AGAP1: variants seen among roughly 807,000 people sequenced by gnomAD.
AGAP1 encodes arf-GAP with GTPase, ANK repeat and PH domain-containing protein 1.
AGAP1 carries 29 observed loss-of-function variants against 105.3 expected under a neutral mutation model. That is an observed-to-expected ratio of 0.28 (90% CI 0.21 to 0.38). The LOEUF (loss-of-function observed/expected upper bound fraction) is 0.38. Among genes scored for constraint, AGAP1 ranks in the 10% least tolerant of loss-of-function variants. The pLI is 1.00. For missense variants in AGAP1, 998 were observed against 1,165.1 expected, an observed-to-expected ratio of 0.86 and a Z score of 2.09; for synonymous variants, 509 against 485.9, an observed-to-expected ratio of 1.05 and a Z score of -0.63.
intron 1 of AGAP1, among the ~76,000 whole-genome samples, chr2:235,537,968 G>T (rs982914599): frequency 6.6e-6 from 1 of 152,164 alleles, no homozygotes; most frequent in African/African-American, 2.4e-5. Context: ...TGTACCAACC[G>T]TACTAAGAGG....
chr2:236,049,220 G>T lies in AGAP1; in HGVS notation c.2053G>T (p.Ala685Ser), dbSNP rs1382921787. 6.2e-7 allele frequency: 1 copy of T among 1,614,222 alleles called. No individual in the cohort carries two copies. The highest frequency in any genetic ancestry group is 1.7e-5 in the Admixed American group (1 of 60,024). ...GATGTCATCCATCGGGAACGAGCTAGCCAACAGCGTCTGGGAAGAGAGCAG... is the reference window on the plus strand; with the variant it reads ...GATGTCATCCATCGGGAACGAGCTATCCAACAGCGTCTGGGAAGAGAGCAG... ...KVMSSIGNEL[A>S]NSVWEESSQG... The change falls in exon 16 of 18, where the codon GCC becomes TCC. Residue 685 changes from alanine to serine, a missense_variant. By Grantham distance (99) the Ala-to-Ser change is moderately conservative (BLOSUM62 1). Transcript: ENST00000304032.
chr2:235,722,635 C>G (rs923882885), intron 3 of AGAP1, among the ~76,000 whole-genome samples: 2 of 152,172 alleles, frequency 1.3e-5, no homozygotes, highest in African/African-American at 4.8e-5. Context: ...CCATCCTCCT[C>G]CAGCATGACA....
At chr2:236,122,726 G>A (rs191319791) in intron 17 of AGAP1, among the ~76,000 whole-genome samples, 1,424 of 130,628 alleles carry the variant, frequency 0.011, 12 homozygotes, top group Non-Finnish European at 0.017. Context: ...TCTGTCTCCC[G>A]GGCTGGAGTG....
Position 235,889,540 on chromosome 2 carries a change from CTT to C in AGAP1, c.1155+6093_1155+6094del, listed in dbSNP as rs983245530. Among the ~76,000 whole-genome samples the C allele has an allele frequency of 1.5e-5, 2 of 136,462 alleles. No individual in the cohort carries two copies. The highest frequency in any genetic ancestry group is 3.1e-5 in the Non-Finnish European group (2 of 64,568). 89.5% of individuals were successfully genotyped at this position (136,462 alleles called of 152,430 possible). Reference sequence around the variant, plus strand: ...CTTTCTCGTCATCCCCCAAAAGTGTCTTTGCCTTTTTTTTTTTTTTTTAGCCC... The same window carrying C: ...CTTTCTCGTCATCCCCCAAAAGTGTCTGCCTTTTTTTTTTTTTTTTAGCCC... On this transcript the variant is annotated intron_variant, in intron 10 of 17. Transcript: ENST00000304032. This position sits in a 1 kb window ranked among gnomAD's most constrained non-coding sequence, Gnocchi z 4.6.
At position 235,951,415 on chromosome 2, in the gene AGAP1, C is replaced by A. The variant is rs373506005; in HGVS notation, c.1484-17047C>A. 7.9e-5 allele frequency among the ~76,000 whole-genome samples: 12 copies of A among 152,352 alleles called. No homozygotes were observed. Among genetic ancestry groups the A allele is most frequent in the African/African-American group, 2.9e-4 (12 of 41,578 alleles). On this transcript the variant is annotated intron_variant, in intron 12 of 17. Transcript: ENST00000304032. The surrounding 1 kb of genome is among the most constrained non-coding windows in gnomAD (Gnocchi z 4.2). ...CATCGTGAGACAGAGTAGCATGGAA[C>A]TGAAAAATGTGTAGCAGGTTTTCAA... is the stretch of plus-strand genomic sequence containing the variant.
At position 236,038,979 on chromosome 2, in the gene AGAP1, A is replaced by G. The variant is rs1401709956; in HGVS notation, c.1801-1772A>G. Among the ~76,000 whole-genome samples the G allele has an allele frequency of 6.6e-6, 1 of 152,218 alleles. No individual in the cohort carries two copies. Among genetic ancestry groups the G allele is most frequent in the Non-Finnish European group, 1.5e-5 (1 of 68,030 alleles). ...ATTAGACAGTAGTGATTAATACATT[A>G]TAATTTATTATGTAGCAAGTAATAT... On this transcript the variant is annotated intron_variant, in intron 14 of 17. Coordinates refer to ENST00000304032, the MANE Select transcript of AGAP1 (RefSeq NM_001037131.3). The surrounding 1 kb of genome is among the most constrained non-coding windows in gnomAD (Gnocchi z 4.5).
rs562426149 is a variant in AGAP1 at position 235,535,088 on chromosome 2, T to A, written c.163+40239T>A. On this transcript the variant is annotated intron_variant, in intron 1 of 17. Coordinates refer to ENST00000304032, the MANE Select transcript of AGAP1 (RefSeq NM_001037131.3). This position sits in a 1 kb window ranked among gnomAD's most constrained non-coding sequence, Gnocchi z 5.1. ...TGTCTGCAGATGTAAAACGACCTGC[T>A]CCCCCAGGTGAATGGATTCTCGCCA... Among the ~76,000 whole-genome samples, 3 of 152,054 alleles carry A rather than the reference T, an allele frequency of 2.0e-5. No homozygotes were observed. In the East Asian group the frequency reaches 5.8e-4, roughly 29 times the overall value.
intron 1 of AGAP1, among the ~76,000 whole-genome samples, chr2:235,581,017 T>C (rs1944912622): frequency 6.6e-6 from 1 of 150,664 alleles, no homozygotes; most frequent in African/African-American, 2.4e-5. Flanking sequence ...TCCCGTGAGG[T>C]GTGGAGTGGA....
At chr2:235,525,105 T>C (rs1942778106) in intron 1 of AGAP1, among the ~76,000 whole-genome samples, 1 of 152,254 alleles carries the variant, frequency 6.6e-6, no homozygotes, top group African/African-American at 2.4e-5. Flanking sequence ...ATTACTTTCA[T>C]TTACTTTCTC....
intron 13 of AGAP1, among the ~76,000 whole-genome samples, chr2:236,033,095 A>C (rs2057275400): frequency 6.6e-6 from 1 of 152,104 alleles, no homozygotes; most frequent in Non-Finnish European, 1.5e-5. Flanking sequence ...AAAATACAAA[A>C]TTAGCCGGAT....
intron 1 of AGAP1, among the ~76,000 whole-genome samples, chr2:235,708,701 C>G (rs1022413340): frequency 1.3e-5 from 2 of 152,206 alleles, no homozygotes; most frequent in Non-Finnish European, 2.9e-5. Flanking sequence ...CAAATTCAAT[C>G]ATACTTTTTG....
intron 16 of AGAP1, among the ~76,000 whole-genome samples, chr2:236,071,056 A>G (rs2058481970): frequency 6.6e-6 from 1 of 152,254 alleles, no homozygotes. Context: ...AGAGGAGATC[A>G]TGTTTCTGAG....
rs924451305 is a variant in AGAP1, at chr2:235,982,095, A to G, written c.1645+13472A>G. 6.6e-6 allele frequency among the ~76,000 whole-genome samples: 1 copy of G among 152,252 alleles called. No individual in the cohort carries two copies. The highest frequency in any genetic ancestry group is 1.5e-5 in the Non-Finnish European group (1 of 68,042). On this transcript the variant is annotated intron_variant, in intron 13 of 17. Coordinates refer to ENST00000304032, the MANE Select transcript of AGAP1 (RefSeq NM_001037131.3). The surrounding 1 kb of genome is among the most constrained non-coding windows in gnomAD (Gnocchi z 4.9). ...GACAGAATGCATTTTTACAGCACTTAGAAAATACCAGATCCACGAAGAACA... is the reference window on the plus strand; with the variant it reads ...GACAGAATGCATTTTTACAGCACTTGGAAAATACCAGATCCACGAAGAACA...
chr2:236,023,072 T>A (rs1276429837), intron 13 of AGAP1, among the ~76,000 whole-genome samples: 4 of 152,172 alleles, frequency 2.6e-5, no homozygotes, highest in Admixed American at 2.6e-4. Flanking sequence ...GGTGTGTGCG[T>A]GACATTGCCA....
At position 236,089,581 on chromosome 2, in the gene AGAP1, G is replaced by T. The variant is rs1386944304; in HGVS notation, c.2115-30611G>T. Among the ~76,000 whole-genome samples the T allele has an allele frequency of 6.6e-6, 1 of 152,194 alleles. No homozygotes were observed. The highest frequency in any genetic ancestry group is 2.4e-5 in the African/African-American group (1 of 41,460). Reference sequence around the variant, plus strand: ...ATATAGAGTTCATGCTCACCCCGAAGTCCTTCTTTGGCACTGGAGAACAAA... The same window carrying T: ...ATATAGAGTTCATGCTCACCCCGAATTCCTTCTTTGGCACTGGAGAACAAA... On this transcript the variant is annotated intron_variant, in intron 16 of 17. Coordinates refer to ENST00000304032, the MANE Select transcript of AGAP1 (RefSeq NM_001037131.3). This position sits in a 1 kb window ranked among gnomAD's most constrained non-coding sequence, Gnocchi z 5.6.
Position 235,755,098 on chromosome 2 carries a change from G to C in AGAP1, c.673+4610G>C, listed in dbSNP as rs952684355. On this transcript the variant is annotated intron_variant, in intron 6 of 17. Coordinates refer to ENST00000304032, the MANE Select transcript of AGAP1 (RefSeq NM_001037131.3). ...CAGAGCCCTGGGGAAGGGAGGCACT[G>C]GGGGCTGGGGCGGGCTGGATGTGCG... Among the ~76,000 whole-genome samples, 15 of 152,276 alleles carry C rather than the reference G, an allele frequency of 9.9e-5. No homozygotes were observed. In the East Asian group the frequency reaches 2.7e-3, roughly 28 times the overall value.
chr2:235,984,898 T>C (rs910345616), intron 13 of AGAP1, among the ~76,000 whole-genome samples: 1 of 152,200 alleles, frequency 6.6e-6, no homozygotes. Context: ...TTGTAAATAG[T>C]GCTGCAATAA....
intron 13 of AGAP1, among the ~76,000 whole-genome samples, chr2:236,029,337 G>A (rs1161119351): frequency 1.3e-5 from 2 of 150,990 alleles, no homozygotes; most frequent in Non-Finnish European, 1.5e-5. Context: ...GTGCAGTGGC[G>A]TGATCTCGGC....
chr2:235,536,468 T>TACACACACACACAC (rs68065934), intron 1 of AGAP1, among the ~76,000 whole-genome samples: 3 of 48,990 alleles, frequency 6.1e-5, no homozygotes, highest in African/African-American at 3.6e-4. Flanking sequence ...TGTGGCATCC[T>TACACACACACACAC]ACACACACAC....
Sources: allele counts gnomAD v4.1 joint callset (sites outside exome capture counted in the v4.1 genomes callset), GRCh38; gene constraint gnomAD v4.1.1; non-coding constraint Gnocchi (gnomAD v3.1); transcripts MANE v1.5; gene names NCBI Gene and HGNC (gene_info 2026-07-23, HGNC 2026-07-21).